GABRA3: variants seen among roughly 807,000 people sequenced by gnomAD.
GABRA3 encodes gamma-aminobutyric acid receptor subunit alpha-3.
Under a neutral mutation model 30.1 loss-of-function variants are expected in GABRA3, and 10 were observed. The observed-to-expected ratio is 0.33, with a 90% CI of 0.20 to 0.56. The LOEUF is 0.56. Among genes scored for constraint, GABRA3 ranks in the 20% least tolerant of loss-of-function variants. The pLI is 0.89. For missense variants in GABRA3, 233 were observed against 392.0 expected (o/e 0.59, Z 3.42); for synonymous variants, 151 against 146.8 (o/e 1.03, Z -0.21).
At chrX:152,389,251 T>C (rs1398624615) in intron 1 of GABRA3, 1 of 112,292 alleles carries the variant, frequency 8.9e-6, no homozygotes, top group Non-Finnish European at 1.9e-5. Flanking sequence ...AACAGCGTTT[T>C]ATAATTTGAC....
chrX:152,378,648 T>C (rs2124505654), intron 1 of GABRA3, among the ~76,000 whole-genome samples: 1 of 111,526 alleles, frequency 9.0e-6, no homozygotes, highest in South Asian at 3.7e-4. Flanking sequence ...AAGAAGATGA[T>C]AGTTTCAAAC....
At chrX:152,283,094 G>A (rs761322116) in intron 4 of GABRA3, among the ~76,000 whole-genome samples, 6 of 111,581 alleles carry the variant, frequency 5.4e-5, no homozygotes, top group Admixed American at 9.6e-5. Context: ...AGTTGGGCTC[G>A]TAAGGAGTAC....
At chrX:152,335,123 G>A (rs1365180885) in intron 3 of GABRA3, among the ~76,000 whole-genome samples, 2 of 111,528 alleles carry the variant, frequency 1.8e-5, no homozygotes, top group African/African-American at 3.3e-5. Flanking sequence ...GAGTACTGTG[G>A]CCTCAAGTTC....
chrX:152,352,848 TCTA>T (rs749604700), intron 2 of GABRA3, among the ~76,000 whole-genome samples: 17 of 111,321 alleles, frequency 1.5e-4, no homozygotes, highest in African/African-American at 5.5e-4. Context: ...AGTTGCAAAT[TCTA>T]CTACTTCTCT....
chrX:152,221,351 T>C (rs185265535), intron 6 of GABRA3, among the ~76,000 whole-genome samples: 9 of 111,872 alleles, frequency 8.0e-5, no homozygotes, highest in African/African-American at 2.9e-4. Flanking sequence ...TCTCGTTCTC[T>C]CTCTCTCTTC....
At chrX:152,339,813 T>C (rs1940288678) in intron 3 of GABRA3, among the ~76,000 whole-genome samples, 1 of 111,983 alleles carries the variant, frequency 8.9e-6, no homozygotes, top group Admixed American at 9.5e-5. Context: ...TTTGCTCTCA[T>C]GTCTACTTTT....
At chrX:152,252,765 G>C (rs1938578760) in intron 5 of GABRA3, among the ~76,000 whole-genome samples, 2 of 111,208 alleles carry the variant, frequency 1.8e-5, no homozygotes, top group African/African-American at 6.5e-5. Context: ...TCTGGTTGGG[G>C]AAGTGGGACC....
chrX:152,363,449 G>A (rs1458223552), intron 2 of GABRA3, among the ~76,000 whole-genome samples: 2 of 111,599 alleles, frequency 1.8e-5, no homozygotes, highest in Non-Finnish European at 3.8e-5. Flanking sequence ...CCTTTCTCCA[G>A]GGGATCCACA....
At chrX:152,207,131 CAG>C (rs1302692814) in intron 7 of GABRA3, among the ~76,000 whole-genome samples, 1 of 111,371 alleles carries the variant, frequency 9.0e-6, no homozygotes, top group Non-Finnish European at 1.9e-5. Flanking sequence ...GGAGGGAAAA[CAG>C]GGGGCAGAGG....
At chrX:152,318,091 G>C (rs1939905972) in intron 3 of GABRA3, among the ~76,000 whole-genome samples, 1 of 111,494 alleles carries the variant, frequency 9.0e-6, no homozygotes, top group Non-Finnish European at 1.9e-5. Context: ...AAAAAGAAGA[G>C]AGAAGATCCG....
chrX:152,272,332 G>A (rs752872074), intron 4 of GABRA3, among the ~76,000 whole-genome samples: 2 of 112,566 alleles, frequency 1.8e-5, no homozygotes, highest in Admixed American at 9.4e-5. Context: ...ATTCAAAGGA[G>A]ATCATTTTGG....
intron 5 of GABRA3, among the ~76,000 whole-genome samples, chrX:152,233,304 T>C (rs1938125826): frequency 9.0e-6 from 1 of 111,286 alleles, no homozygotes; most frequent in African/African-American, 3.3e-5. Context: ...CAGAAGCTCT[T>C]TAGTTTAATT....
At chrX:152,177,178 A>C (rs1342463331) in intron 9 of GABRA3, among the ~76,000 whole-genome samples, 1 of 111,829 alleles carries the variant, frequency 8.9e-6, no homozygotes, top group Non-Finnish European at 1.9e-5. Context: ...GCCAAGCAGG[A>C]AGGCAGTTGG....
chrX:152,417,853 T>G, intron 1 of GABRA3, among the ~76,000 whole-genome samples: 1 of 83,997 alleles, frequency 1.2e-5, no homozygotes, highest in Non-Finnish European at 2.2e-5. Context: ...GGAAGGGGAA[T>G]ATCACACTCC....
At chrX:152,168,930 CAT>C (rs1471862187) in intron 9 of GABRA3, among the ~76,000 whole-genome samples, 1 of 112,063 alleles carries the variant, frequency 8.9e-6, no homozygotes, top group African/African-American at 3.2e-5. Context: ...ATGTTGGTCA[CAT>C]GTGGAATCTT....
intron 7 of GABRA3, among the ~76,000 whole-genome samples, chrX:152,198,089 A>T (rs1382112143): frequency 8.9e-6 from 1 of 112,390 alleles, no homozygotes; most frequent in East Asian, 2.8e-4. Context: ...AGCACTTGCT[A>T]TGTGATAGGC....
intron 3 of GABRA3, among the ~76,000 whole-genome samples, chrX:152,343,840 T>C (rs1055978558): frequency 8.9e-6 from 1 of 112,375 alleles, no homozygotes; most frequent in African/African-American, 3.2e-5. Flanking sequence ...TTGTATATTG[T>C]AGGATTAAAC....
At chrX:152,283,762 C>T (rs1161373907) in intron 4 of GABRA3, among the ~76,000 whole-genome samples, 1 of 112,023 alleles carries the variant, frequency 8.9e-6, no homozygotes, top group Non-Finnish European at 1.9e-5. Flanking sequence ...AAGTAGTAGT[C>T]CCACTGAAAA....
chrX:152,394,316 T>C, intron 1 of GABRA3: 1 of 339,044 alleles, frequency 2.9e-6, no homozygotes, highest in South Asian at 2.7e-5. Context: ...AATGACAATA[T>C]GCTGTGATTC....
Sources: allele counts gnomAD v4.1 joint callset (sites outside exome capture counted in the v4.1 genomes callset), GRCh38; gene constraint gnomAD v4.1.1; transcripts MANE v1.5; gene names NCBI Gene and HGNC (gene_info 2026-07-23, HGNC 2026-07-21).